Variants in PRDM5 observed in about 807,000 individuals in gnomAD.
PRDM5 encodes the protein PR domain zinc finger protein 5.
A neutral mutation model predicts 81.2 loss-of-function variants in PRDM5; 56 were observed. That is an observed-to-expected ratio of 0.69 (90% CI 0.56 to 0.86). The LOEUF is 0.86. PRDM5 is among the 40% of genes least tolerant of loss of function. The probability of loss-of-function intolerance (pLI) is 0.00; values close to 1 mark genes in which losing one functional copy is unlikely to be tolerated. For missense variants in PRDM5, 697 were observed against 770.1 expected, an observed-to-expected ratio of 0.91 and a Z score of 1.12; for synonymous variants, 267 against 256.4, an observed-to-expected ratio of 1.04 and a Z score of -0.39.
At chr4:120,886,880 A>G (rs1213850763) in intron 2 of PRDM5, among the ~76,000 whole-genome samples, 2 of 151,912 alleles carry the variant, frequency 1.3e-5, no homozygotes. Flanking sequence ...TATCTCAGAC[A>G]TGTCATCACC....
intron 14 of PRDM5, among the ~76,000 whole-genome samples, chr4:120,727,480 G>C (rs1739599243): frequency 6.6e-6 from 1 of 152,146 alleles, no homozygotes; most frequent in Admixed American, 6.5e-5. Flanking sequence ...TCTGTGTCTG[G>C]CATGAAAACT....
chr4:120,707,330 AAC>A (rs1736326821), intron 15 of PRDM5, among the ~76,000 whole-genome samples: 1 of 152,060 alleles, frequency 6.6e-6, no homozygotes, highest in Admixed American at 6.6e-5. Context: ...GGAAAAAAAA[AAC>A]ATAGTCATCT....
intron 12 of PRDM5, among the ~76,000 whole-genome samples, chr4:120,780,284 A>T (rs1748849567): frequency 6.6e-6 from 1 of 151,894 alleles, no homozygotes; most frequent in Non-Finnish European, 1.5e-5. Flanking sequence ...ATCTCTACAA[A>T]AATTTTAAAA....
intron 4 of PRDM5, among the ~76,000 whole-genome samples, chr4:120,819,251 T>C (rs1032118708): frequency 6.6e-6 from 1 of 152,232 alleles, no homozygotes; most frequent in South Asian, 2.1e-4. Context: ...TACAATTTTA[T>C]ATGTTTTCCC....
chr4:120,695,324 T>G (rs1276226405), intron 15 of PRDM5, 49 bp from the exon 16 acceptor site: 1 of 1,597,180 alleles, frequency 6.3e-7, no homozygotes, highest in East Asian at 2.3e-5. Flanking sequence ...TAAACAAAAT[T>G]TATAAACAAA....
chr4:120,805,815 C>G (rs1752831313), intron 8 of PRDM5, among the ~76,000 whole-genome samples: 1 of 152,134 alleles, frequency 6.6e-6, no homozygotes, highest in Non-Finnish European at 1.5e-5. Flanking sequence ...CCTCTCTCAC[C>G]ACTCCTATTC....
intron 13 of PRDM5, among the ~76,000 whole-genome samples, chr4:120,761,581 G>A (rs994180996): frequency 6.6e-6 from 1 of 152,180 alleles, no homozygotes; most frequent in East Asian, 1.9e-4. Flanking sequence ...TGTGAAGGCA[G>A]TTTAGGATAA....
Position 120,909,224 on chromosome 4 carries a change from C to A in PRDM5, c.94-1667G>T, listed in dbSNP as rs112997063. Among the ~76,000 whole-genome samples, 425 of 152,316 alleles carry A rather than the reference C, an allele frequency of 2.8e-3. 3 individuals carry two copies. The highest frequency in any genetic ancestry group is 3.9e-3 in the Non-Finnish European group (264 of 68,032). On this transcript the variant is annotated intron_variant, in intron 1 of 15. Transcript: ENST00000264808. Reference sequence around the variant, plus strand: ...TGGAGTGCTCAGGCAACATCCACTTCACCAAGCCAACACTCAAAACCCTGA... The same window carrying A: ...TGGAGTGCTCAGGCAACATCCACTTAACCAAGCCAACACTCAAAACCCTGA...
chr4:120,716,704 A>ATTT (rs1331260777), intron 14 of PRDM5, among the ~76,000 whole-genome samples: 1 of 152,186 alleles, frequency 6.6e-6, no homozygotes, highest in Non-Finnish European at 1.5e-5. Context: ...AATGCCTACC[A>ATTT]TGGAAAAGGA....
At chr4:120,892,129 T>A (rs147413098) in intron 2 of PRDM5, among the ~76,000 whole-genome samples, 1 of 152,366 alleles carries the variant, frequency 6.6e-6, no homozygotes, top group East Asian at 1.9e-4. Context: ...TGAGTGATTT[T>A]GTTTGTATTA....
chr4:120,853,637 A>G, intron 2 of PRDM5, 97 bp from the exon 3 acceptor site: 1 of 1,489,006 alleles, frequency 6.7e-7, no homozygotes, highest in Non-Finnish European at 9.3e-7. Flanking sequence ...ATAAGTATAT[A>G]CCTTTTTTAT....
At chr4:120,746,761 A>G (rs200305926) in intron 14 of PRDM5, among the ~76,000 whole-genome samples, 4,002 of 140,784 alleles carry the variant, frequency 0.028, 118 homozygotes, top group Middle Eastern at 0.11. Context: ...TTACAATGGC[A>G]ATCATTAAAA....
downstream of PRDM5, among the ~76,000 whole-genome samples, chr4:120,687,596 C>T (rs1316778390): frequency 6.6e-6 from 1 of 152,090 alleles, no homozygotes; most frequent in Non-Finnish European, 1.5e-5. Flanking sequence ...GTTCAAATAT[C>T]TCTTTGAAAT....
At chr4:120,920,848 A>G (rs1724821362) in intron 1 of PRDM5, among the ~76,000 whole-genome samples, 1 of 152,256 alleles carries the variant, frequency 6.6e-6, no homozygotes, top group Non-Finnish European at 1.5e-5. Context: ...TTATCATTGC[A>G]ATAGTAAAGT....
intron 2 of PRDM5, among the ~76,000 whole-genome samples, chr4:120,902,550 C>T (rs926396862): frequency 3.3e-5 from 5 of 152,188 alleles, no homozygotes; most frequent in African/African-American, 1.2e-4. Flanking sequence ...ATGCAGAAAA[C>T]TGGGTATATT....
chr4:120,863,217 C>T (rs929721706), intron 2 of PRDM5, among the ~76,000 whole-genome samples: 2 of 142,340 alleles, frequency 1.4e-5, no homozygotes, highest in African/African-American at 5.4e-5. Flanking sequence ...CACACACACA[C>T]ACACACACAT....
intron 14 of PRDM5, among the ~76,000 whole-genome samples, chr4:120,731,078 C>A (rs1180010387): frequency 6.6e-6 from 1 of 152,188 alleles, no homozygotes; most frequent in Admixed American, 6.5e-5. Context: ...ACCTAAAGCC[C>A]TGCTATTTAC....
intron 3 of PRDM5, among the ~76,000 whole-genome samples, chr4:120,845,425 G>C (rs1758545844): frequency 6.6e-6 from 1 of 152,162 alleles, no homozygotes. Flanking sequence ...GAAAATCCTA[G>C]GGCCCTTAAT....
intron 14 of PRDM5, among the ~76,000 whole-genome samples, chr4:120,744,342 T>C (rs917290134): frequency 2.0e-5 from 3 of 152,020 alleles, no homozygotes; most frequent in Admixed American, 2.0e-4. Flanking sequence ...AGATCCAAAA[T>C]TGACACCCTA....
Sources: gnomAD v4.1 joint callset for allele counts (sites outside exome capture counted in the v4.1 genomes callset) on GRCh38, gnomAD v4.1.1 for gene constraint, MANE v1.5 for transcripts, NCBI Gene and HGNC (gene_info 2026-07-23, HGNC 2026-07-21) for gene names.